Variants in CAMK2D observed in about 807,000 individuals in gnomAD.
CAMK2D encodes the protein calcium/calmodulin dependent protein kinase II delta, also known as calcium/calmodulin-dependent protein kinase type II subunit delta.
In CAMK2D, 37 loss-of-function variants were observed where a neutral mutation model predicts 84.0. The ratio of observed to expected loss-of-function variants is 0.44; its 90% CI spans 0.34 to 0.58. The LOEUF (loss-of-function observed/expected upper bound fraction) is 0.58, where lower values mean the gene tolerates loss of function less well. Ranked by LOEUF, CAMK2D falls within the 20% of genes least tolerant of loss-of-function variation. The pLI, the probability that CAMK2D is intolerant of heterozygous loss-of-function variation, is 0.02. For synonymous variants in CAMK2D, 202 were observed against 212.5 expected, an observed-to-expected ratio of 0.95 and a Z score of 0.43; for missense variants, 448 against 652.5, an observed-to-expected ratio of 0.69 and a Z score of 3.41.
chr4:113,474,677 G>A (rs1049468837), intron 16 of CAMK2D, among the ~76,000 whole-genome samples: 1 of 151,778 alleles, frequency 6.6e-6, no homozygotes, highest in Middle Eastern at 3.2e-3. Flanking sequence ...AAGAAGTTTT[G>A]CTCTTGTCCC....
chr4:113,675,644 T>C (rs1202812926), intron 2 of CAMK2D, among the ~76,000 whole-genome samples: 1 of 151,924 alleles, frequency 6.6e-6, no homozygotes, highest in African/African-American at 2.4e-5. Flanking sequence ...AAAGTTCATC[T>C]CTGAAAGAAA....
chr4:113,734,954 C>T (rs2099577487), intron 2 of CAMK2D, among the ~76,000 whole-genome samples: 1 of 149,214 alleles, frequency 6.7e-6, no homozygotes, highest in African/African-American at 2.5e-5. Context: ...ATTTTACTAT[C>T]TTACATGGCA....
rs935301981 is a variant in CAMK2D at position 113,582,933 on chromosome 4, G to T, written c.275+26219C>A. ...AAAGGTCACAGCTTTATTTAACACC[G>T]TCACACACCAAATCGGAAGATAGGC... On this transcript the variant is annotated intron_variant, in intron 4 of 20. Coordinates refer to ENST00000511664, the MANE Select transcript of CAMK2D (RefSeq NM_001321571.2). 5.9e-5 allele frequency among the ~76,000 whole-genome samples: 9 copies of T among 152,352 alleles called. No individual in the cohort carries two copies. The East Asian group carries it at 7.7e-4, about 13-fold the overall frequency.
At chr4:113,550,845 TA>T (rs1172475140) in intron 5 of CAMK2D, among the ~76,000 whole-genome samples, 8 of 152,210 alleles carry the variant, frequency 5.3e-5, no homozygotes, top group African/African-American at 1.7e-4. Context: ...ACTTTGGCCA[TA>T]AAAATTCCAT....
chr4:113,604,932 C>T (rs2098970961), intron 4 of CAMK2D, among the ~76,000 whole-genome samples: 1 of 152,194 alleles, frequency 6.6e-6, no homozygotes, highest in Non-Finnish European at 1.5e-5. Context: ...TGACCTAACA[C>T]TGAAGTGCTT....
Position 113,531,294 on chromosome 4 carries a change from C to T in CAMK2D, c.523G>A (p.Ala175Thr). The T allele has an allele frequency of 6.3e-7, 1 of 1,576,076 alleles. No homozygotes were observed. Among genetic ancestry groups the T allele is most frequent in the Non-Finnish European group, 8.7e-7 (1 of 1,145,656 alleles). ...GGAGAAAGATATCCAGGTGTGCCAG[C>T]AAAACCTAGGGAAAAGAGATGTTAA... ...QGDQQAWFGF[A>T]GTPGYLSPEV... The change falls in exon 8 of 21, where the codon GCT becomes ACT. Residue 175 changes from alanine to threonine, a missense_variant. Transcript: ENST00000511664.
intron 7 of CAMK2D, among the ~76,000 whole-genome samples, chr4:113,532,495 G>A (rs1339610740): frequency 1.3e-5 from 2 of 152,162 alleles, no homozygotes; most frequent in African/African-American, 4.8e-5. Flanking sequence ...TGGTTCCACT[G>A]CCTAAAGCTT....
chr4:113,626,006 A>G (rs924497349), intron 3 of CAMK2D, among the ~76,000 whole-genome samples: 2 of 150,646 alleles, frequency 1.3e-5, no homozygotes, highest in African/African-American at 4.9e-5. Flanking sequence ...AGAGTGAGAT[A>G]TCATCTCAAA....
At chr4:113,680,228 T>C (rs2099338361) in intron 2 of CAMK2D, among the ~76,000 whole-genome samples, 1 of 152,166 alleles carries the variant, frequency 6.6e-6, no homozygotes, top group Non-Finnish European at 1.5e-5. Flanking sequence ...AGAAGACCTG[T>C]AAGATTTTAT....
At chr4:113,492,208 T>C (rs1211515893) in intron 16 of CAMK2D, among the ~76,000 whole-genome samples, 1 of 152,140 alleles carries the variant, frequency 6.6e-6, no homozygotes, top group East Asian at 1.9e-4. Flanking sequence ...TGCTCTTGCT[T>C]TTCTAGTTCT....
intron 2 of CAMK2D, among the ~76,000 whole-genome samples, chr4:113,726,707 C>T (rs985170419): frequency 2.0e-5 from 3 of 151,884 alleles, no homozygotes; most frequent in East Asian, 1.9e-4. Context: ...AGCCTGACCA[C>T]GACTGCTTGC....
chr4:113,515,156 T>G lies in CAMK2D; in HGVS notation c.732A>C (p.Glu244Asp). 1 of 1,611,002 alleles carries G rather than the reference T, an allele frequency of 6.2e-7. No homozygotes were observed. The highest frequency in any genetic ancestry group is 8.5e-7 in the Non-Finnish European group (1 of 1,177,720). Residue 244 changes from glutamate to aspartate, a missense_variant, in exon 10 of 21, where the codon GAA becomes GAC. This residue lies in a region of CAMK2D where 69 missense variants were observed against 175.6 expected (regional missense o/e 0.39). Coordinates refer to ENST00000511664, the MANE Select transcript of CAMK2D (RefSeq NM_001321571.2). ...GCATTTTATTGATGAGGTCTTTGGC[T>G]TCAGGAGTCACCGTGTCCCATTCTG... is the stretch of plus-strand genomic sequence containing the variant. ...PSPEWDTVTPEAKDLINKMLT... is the reference protein window; with the variant it reads ...PSPEWDTVTPDAKDLINKMLT...
intron 16 of CAMK2D, among the ~76,000 whole-genome samples, chr4:113,483,263 T>C (rs2097723476): frequency 1.3e-5 from 2 of 152,208 alleles, no homozygotes; most frequent in South Asian, 4.1e-4. Flanking sequence ...ACACAGAAGG[T>C]GCTCAATCTT....
At chr4:113,673,492 G>A (rs947486979) in intron 2 of CAMK2D, among the ~76,000 whole-genome samples, 9 of 152,206 alleles carry the variant, frequency 5.9e-5, no homozygotes, top group Non-Finnish European at 1.2e-4. Flanking sequence ...CCCAGGAGCT[G>A]CAAAGACAGC....
At chr4:113,580,679 A>G (rs994450165) in intron 4 of CAMK2D, among the ~76,000 whole-genome samples, 3 of 152,152 alleles carry the variant, frequency 2.0e-5, no homozygotes, top group African/African-American at 7.2e-5. Context: ...ACAGGTATCT[A>G]TCTTAACTCA....
intron 3 of CAMK2D, among the ~76,000 whole-genome samples, chr4:113,615,355 G>C (rs2099017008): frequency 6.6e-6 from 1 of 151,866 alleles, no homozygotes; most frequent in African/African-American, 2.4e-5. Context: ...ACACACACTA[G>C]TATTAGAACA....
At chr4:113,493,838 A>G (rs1315895962) in intron 16 of CAMK2D, among the ~76,000 whole-genome samples, 4 of 151,682 alleles carry the variant, frequency 2.6e-5, no homozygotes, top group East Asian at 1.9e-4. Flanking sequence ...GGCTTTGCTC[A>G]TTTCTTTTTA....
At chr4:113,539,785 G>T (rs1478791209) in intron 6 of CAMK2D, among the ~76,000 whole-genome samples, 1 of 152,090 alleles carries the variant, frequency 6.6e-6, no homozygotes, top group Non-Finnish European at 1.5e-5. Flanking sequence ...ACAATTAAGA[G>T]ACTAACATGA....
intron 6 of CAMK2D, among the ~76,000 whole-genome samples, chr4:113,543,855 G>A (rs1209978443): frequency 7.9e-5 from 12 of 151,912 alleles, no homozygotes; most frequent in Admixed American, 5.9e-4. Flanking sequence ...GCAGTGGGGC[G>A]ATCTCTGCTC....
Sources: allele counts gnomAD v4.1 joint callset (sites outside exome capture counted in the v4.1 genomes callset), GRCh38; gene constraint gnomAD v4.1.1; regional missense constraint gnomAD v4.1.1; transcripts MANE v1.5; gene names NCBI Gene and HGNC (gene_info 2026-07-23, HGNC 2026-07-21).